The following CMTM6 variants were observed in gnomAD, a reference collection of about 807,000 sequenced individuals.
The protein encoded by CMTM6 is CKLF-like MARVEL transmembrane domain-containing protein 6.
A neutral mutation model predicts 13.6 loss-of-function variants in CMTM6; 5 were observed. The observed-to-expected ratio is 0.37, with a 90% CI of 0.19 to 0.77. The LOEUF (loss-of-function observed/expected upper bound fraction) is 0.77. Among genes scored for constraint, CMTM6 ranks in the 30% least tolerant of loss-of-function variants. CMTM6 has a pLI of 0.50. For synonymous variants in CMTM6, 99 were observed against 84.5 expected (o/e 1.17, Z -0.94); for missense variants, 196 against 218.6 (o/e 0.90, Z 0.65).
In CMTM6 at chr3:32,492,638, C is replaced by T. The variant is rs556999252; in HGVS notation, c.139-752G>A. Among the ~76,000 whole-genome samples, 12 of 152,134 alleles carry T rather than the reference C, an allele frequency of 7.9e-5. No individual in the cohort carries two copies. The East Asian group carries it at 2.1e-3, about 27-fold the overall frequency. ...TGTAGGAAATCAGGGCAAATAATAG[C>T]GACTAGGGAGCAGCAATAGAGAAGA... On this transcript the variant is annotated intron_variant, in intron 1 of 3. Coordinates refer to ENST00000205636, the MANE Select transcript of CMTM6 (RefSeq NM_017801.3).
chr3:32,502,136 C>T (rs1466785436), intron 1 of CMTM6, among the ~76,000 whole-genome samples: 1 of 152,202 alleles, frequency 6.6e-6, no homozygotes, highest in East Asian at 1.9e-4. Flanking sequence ...CAATGCCACG[C>T]GTGGTATCGC....
intron 1 of CMTM6, among the ~76,000 whole-genome samples, chr3:32,501,853 A>G (rs536339478): frequency 1.3e-5 from 2 of 152,342 alleles, no homozygotes; most frequent in South Asian, 4.1e-4. Flanking sequence ...AGTACATAGG[A>G]GCCAACACGA....
chr3:32,490,147 G>A (rs1697238640), intron 2 of CMTM6, among the ~76,000 whole-genome samples: 2 of 151,940 alleles, frequency 1.3e-5, no homozygotes, highest in African/African-American at 2.4e-5. Context: ...TCGGGAGGCT[G>A]AAGCAGGAGA....
rs1046397107 is a variant in CMTM6 at position 32,481,795 on chromosome 3, A to ACTAT, written c.*2161_*2164dup. 16 of 152,230 alleles carry ACTAT rather than the reference A, an allele frequency of 1.1e-4. No homozygotes were observed. The highest frequency in any genetic ancestry group is 3.4e-4 in the African/African-American group (14 of 41,456). 9.4% of individuals were successfully genotyped at this position (152,230 alleles called of 1,614,324 possible). On this transcript the variant is annotated 3_prime_UTR_variant, in exon 4 of 4. Transcript: ENST00000205636. ...AGTGACCAAATATACCAGTGAACATACTATCTTTCTGAAAAAGAAAGAATT... is the reference window on the plus strand; with the variant it reads ...AGTGACCAAATATACCAGTGAACATACTATCTATCTTTCTGAAAAAGAAAGAATT...
intron 3 of CMTM6, among the ~76,000 whole-genome samples, chr3:32,486,503 C>T (rs1697206854): frequency 6.6e-6 from 1 of 152,146 alleles, no homozygotes; most frequent in Non-Finnish European, 1.5e-5. Flanking sequence ...GTCGCAGGCC[C>T]TCAAGTGGTG....
At chr3:32,486,751 A>T (rs1006544343) in intron 3 of CMTM6, among the ~76,000 whole-genome samples, 1 of 152,086 alleles carries the variant, frequency 6.6e-6, no homozygotes, top group African/African-American at 2.4e-5. Context: ...ATAATCCCCA[A>T]TGTTGGGGGT....
At chr3:32,501,985 A>G (rs1697349041) in intron 1 of CMTM6, among the ~76,000 whole-genome samples, 1 of 152,264 alleles carries the variant, frequency 6.6e-6, no homozygotes, top group African/African-American at 2.4e-5. Flanking sequence ...GTCCTAGTTC[A>G]GCTATCCGCA....
chr3:32,487,726 T>C, intron 3 of CMTM6: 1 of 418,832 alleles, frequency 2.4e-6, no homozygotes, highest in Non-Finnish European at 4.3e-6. Flanking sequence ...TAAGTGGATT[T>C]TTTTTAAACA....
At chr3:32,498,601 T>TC (rs1178886392) in intron 1 of CMTM6, among the ~76,000 whole-genome samples, 1 of 149,392 alleles carries the variant, frequency 6.7e-6, no homozygotes, top group Non-Finnish European at 1.5e-5. Flanking sequence ...CCCCTTCTTT[T>TC]TTTTTTTTTT....
Position 32,485,024 on chromosome 3 carries a change from T to A in CMTM6, c.415-927A>T, listed in dbSNP as rs75930381. Among the ~76,000 whole-genome samples, 3,176 of 150,736 alleles carry A rather than the reference T, an allele frequency of 0.021. 176 individuals are homozygous for A. In the East Asian group the frequency reaches 0.21, roughly 10 times the overall value. ...CAATCTAAATTTAATTATCAACGCC[T>A]CCCACCCTCCCATCCCCCGCCACAA... On this transcript the variant is annotated intron_variant, in intron 3 of 3. Transcript: ENST00000205636.
Position 32,502,686 on chromosome 3 carries a change from G to T in CMTM6, c.60C>A (p.Gly20=), listed in dbSNP as rs758194560. Reference sequence around the variant, plus strand: ...AGTAGGCAGCGAGGCCGCTCCGGGGGCCTCTGGCGGGGCCCGGGTCCTCCT... The same window carrying T: ...AGTAGGCAGCGAGGCCGCTCCGGGGTCCTCTGGCGGGGCCCGGGTCCTCCT... ...TTEEDPGPAR[G]PRSGLAAYFF... Residue 20 remains glycine (G), a synonymous_variant, in exon 1 of 4, where the codon GGC becomes GGA. Transcript: ENST00000205636. 9 of 1,587,196 alleles carry T rather than the reference G, an allele frequency of 5.7e-6. No homozygotes were observed. In the Admixed American group the frequency reaches 8.8e-5, roughly 15 times the overall value.
chr3:32,499,389 C>T (rs1050012352), intron 1 of CMTM6, among the ~76,000 whole-genome samples: 3 of 152,086 alleles, frequency 2.0e-5, no homozygotes, highest in Non-Finnish European at 4.4e-5. Flanking sequence ...GCCAGATGAG[C>T]GACTAGAATT....
intron 2 of CMTM6, among the ~76,000 whole-genome samples, chr3:32,491,270 C>T (rs1697248015): frequency 6.6e-6 from 1 of 152,182 alleles, no homozygotes; most frequent in South Asian, 2.1e-4. Context: ...AAGCTTTAAG[C>T]TTTAAATGTT....
chr3:32,492,443 AG>A (rs1235201242), intron 1 of CMTM6, among the ~76,000 whole-genome samples: 1 of 152,184 alleles, frequency 6.6e-6, no homozygotes, highest in African/African-American at 2.4e-5. Flanking sequence ...GAGGCTAGAG[AG>A]GTAAGCTGAG....
rs1208400845 is a variant in CMTM6, at chr3:32,482,949, C to A, written c.*1011G>T. 6.6e-6 allele frequency: 1 copy of A among 152,328 alleles called. No homozygotes were observed. Among genetic ancestry groups the A allele is most frequent in the East Asian group, 1.9e-4 (1 of 5,194 alleles). The allele number at this position is 152,328 out of a possible 1,614,324, so 9.4% of individuals were successfully genotyped here. ...GGAGACAGAGAAGAGGCATCTCGAA[C>A]AGATGAAAAACCAAAGGCTGGTGTC... is the stretch of plus-strand genomic sequence containing the variant. On this transcript the variant is annotated 3_prime_UTR_variant, in exon 4 of 4. Coordinates refer to ENST00000205636, the MANE Select transcript of CMTM6 (RefSeq NM_017801.3).
At chr3:32,488,727 G>A (rs1697226154) in intron 2 of CMTM6, among the ~76,000 whole-genome samples, 1 of 152,132 alleles carries the variant, frequency 6.6e-6, no homozygotes, top group African/African-American at 2.4e-5. Flanking sequence ...CTTATATGAT[G>A]AGTTTATCTA....
rs899485198 is a variant in CMTM6, at chr3:32,502,543, C to T, written c.138+65G>A. ...AAGCTGAAACGAAGGAGCTCGGCGG[C>T]CTCCCAAGCCCGGGCCAGACCCCGC... On this transcript the variant is annotated intron_variant, in intron 1 of 3. Coordinates refer to ENST00000205636, the MANE Select transcript of CMTM6 (RefSeq NM_017801.3). 8 of 1,536,342 alleles carry T rather than the reference C, an allele frequency of 5.2e-6. No individual in the cohort carries two copies. The African/African-American group carries it at 1.1e-4, about 21-fold the overall frequency.
rs890730931 is a variant in CMTM6 at position 32,502,752 on chromosome 3, G to C, written c.-7C>G. On this transcript the variant is annotated 5_prime_UTR_variant, in exon 1 of 4. Transcript: ENST00000205636. ...ACACCGCTCCGTTCTCCATCGCCTC[G>C]GGCCGGGGAGCGCGGCGGCCGCAGC... 6 of 1,430,090 alleles carry C rather than the reference G, an allele frequency of 4.2e-6. No individual in the cohort carries two copies. The highest frequency in any genetic ancestry group is 5.5e-6 in the Non-Finnish European group (6 of 1,091,572). The allele number at this position is 1,430,090 out of a possible 1,614,324, so 88.6% of individuals were successfully genotyped here. A position where few individuals can be genotyped will look rare whatever the true frequency, so the allele number is the denominator to read the frequency against.
intron 2 of CMTM6, among the ~76,000 whole-genome samples, chr3:32,489,378 C>T (rs139329191): frequency 8.6e-5 from 13 of 151,924 alleles, no homozygotes; most frequent in Non-Finnish European, 1.9e-4. Flanking sequence ...TTGCCGGGCA[C>T]GGTGGTTCAC....
Sources: allele counts gnomAD v4.1 joint callset (sites outside exome capture counted in the v4.1 genomes callset), GRCh38; gene constraint gnomAD v4.1.1; transcripts MANE v1.5; gene names NCBI Gene and HGNC (gene_info 2026-07-23, HGNC 2026-07-21).